GPX7: variants seen among roughly 807,000 people sequenced by gnomAD.
GPX7 encodes the protein protein peroxidase GPX7.
A neutral mutation model predicts 23.7 loss-of-function variants in GPX7; 21 were observed. The observed-to-expected ratio is 0.89, with a 90% CI of 0.63 to 1.28. GPX7 has a LOEUF of 1.28. Ranked by LOEUF, GPX7 falls within the 50% of genes most tolerant of loss-of-function variation. The pLI, the probability that GPX7 is intolerant of heterozygous loss-of-function variation, is 0.00. For synonymous variants in GPX7, 112 were observed against 101.8 expected (o/e 1.10, Z -0.61); for missense variants, 238 against 237.3 (o/e 1.00, Z -0.02).
At chr1:52,607,053 C>A in intron 2 of GPX7, 108 bp downstream of exon 2, 1 of 1,090,212 alleles carries the variant, frequency 9.2e-7, no homozygotes, top group Non-Finnish European at 1.4e-6. Flanking sequence ...GGCCCCTTCC[C>A]CTTCCTGATC....
intron 1 of GPX7, among the ~76,000 whole-genome samples, chr1:52,603,866 T>C (rs1408274962): frequency 2.0e-5 from 3 of 152,228 alleles, no homozygotes; most frequent in South Asian, 2.1e-4. Flanking sequence ...CATTTAGAAC[T>C]CTGGGCAAAG....
At chr1:52,607,228 T>C (rs1176340395) in intron 2 of GPX7, 2 of 485,982 alleles carry the variant, frequency 4.1e-6, no homozygotes, top group African/African-American at 3.8e-5. Flanking sequence ...TGTTTTCACA[T>C]TCAGGGGCTC....
rs1489423992 is a variant in GPX7 at position 52,608,685 on chromosome 1, A to G, written c.*260A>G. ...CGATACGAACGTCTTGCCAACAAAA[A>G]TGTGTGGCAAATAGAAGTATATCAA... is the stretch of plus-strand genomic sequence containing the variant. On this transcript the variant is annotated 3_prime_UTR_variant, in exon 3 of 3. Transcript: ENST00000361314. 1 of 254,722 alleles carries G rather than the reference A, an allele frequency of 3.9e-6. No individual in the cohort carries two copies. Among genetic ancestry groups the G allele is most frequent in the African/African-American group, 2.2e-5 (1 of 44,888 alleles). 15.8% of individuals were successfully genotyped at this position (254,722 alleles called of 1,614,324 possible). A position where few individuals can be genotyped will look rare whatever the true frequency, so the allele number is the denominator to read the frequency against.
At chr1:52,606,659 G>A in intron 1 of GPX7, 25 bp from the exon 2 acceptor site, 1 of 1,604,648 alleles carries the variant, frequency 6.2e-7, no homozygotes, top group Non-Finnish European at 8.5e-7. Context: ...TCTGGGCTTT[G>A]TTTTGTTTTG....
chr1:52,604,645 GT>G (rs1376271291), intron 1 of GPX7, among the ~76,000 whole-genome samples: 2 of 152,106 alleles, frequency 1.3e-5, no homozygotes, highest in African/African-American at 2.4e-5. Context: ...GTCTGTCTGT[GT>G]TTTGGTTTCT....
Position 52,602,397 on chromosome 1 carries a change from T to C in GPX7, c.-13T>C, listed in dbSNP as rs1487875219. ...TCTTTGCCCTCGCGACGCCGCCACC[T>C]CCGGAACAAGCCATGGTGGCGGCGA... On this transcript the variant is annotated 5_prime_UTR_variant, in exon 1 of 3. Coordinates refer to ENST00000361314, the MANE Select transcript of GPX7 (RefSeq NM_015696.5). The C allele has an allele frequency of 5.5e-6, 8 of 1,463,118 alleles. No homozygotes were observed. The highest frequency in any genetic ancestry group is 1.9e-4 in the Middle Eastern group (1 of 5,396). 90.6% of individuals were successfully genotyped at this position (1,463,118 alleles called of 1,614,324 possible). A position where few individuals can be genotyped will look rare whatever the true frequency, so the allele number is the denominator to read the frequency against.
intron 1 of GPX7, 44 bp downstream of exon 1, chr1:52,602,591 C>G (rs765485875): frequency 7.5e-7 from 1 of 1,328,524 alleles, no homozygotes; most frequent in Admixed American, 3.0e-5. Flanking sequence ...CCGGCCTCGC[C>G]CTGGCGGGGC....
intron 1 of GPX7, 59 bp from the exon 2 acceptor site, chr1:52,606,625 G>C: frequency 6.4e-7 from 1 of 1,570,820 alleles, no homozygotes. Flanking sequence ...GGCATGTACA[G>C]GTTCATGCCT....
Position 52,608,278 on chromosome 1 carries a change from G to C in GPX7, c.417G>C (p.Glu139Asp), listed in dbSNP as rs753562410. 3 of 1,612,206 alleles carry C rather than the reference G, an allele frequency of 1.9e-6. No individual in the cohort carries two copies. Among genetic ancestry groups the C allele is most frequent in the Non-Finnish European group, 2.5e-6 (3 of 1,179,272 alleles). Residue 139 changes from glutamate (E) to aspartate (D), a missense_variant, in exon 3 of 3, where the codon GAG (glutamate) becomes GAC (aspartate). Physicochemically the swap from Glu to Asp is conservative, Grantham distance 45. Transcript: ENST00000361314. ...FKYLAQTSGK[E>D]PTWNFWKYLV... ...TTTCTCTAGAGACTTCTGGGAAGGA[G>C]CCCACCTGGAACTTCTGGAAGTACC...
In GPX7 at chr1:52,608,504, A is replaced by G; in HGVS notation, c.*79A>G. On this transcript the variant is annotated 3_prime_UTR_variant, in exon 3 of 3. Coordinates refer to ENST00000361314, the MANE Select transcript of GPX7 (RefSeq NM_015696.5). ...CAATGCAAACTCAAATGGTGCTTCA[A>G]AGGGAGAGACCCACTGACTCTCCTT... 1 of 1,283,864 alleles carries G rather than the reference A, an allele frequency of 7.8e-7. No homozygotes were observed. The highest frequency in any genetic ancestry group is 1.1e-6 in the Non-Finnish European group (1 of 941,004). 79.5% of individuals were successfully genotyped at this position (1,283,864 alleles called of 1,614,324 possible).
At chr1:52,604,815 C>T (rs890768397) in intron 1 of GPX7, among the ~76,000 whole-genome samples, 1 of 152,058 alleles carries the variant, frequency 6.6e-6, no homozygotes, top group Admixed American at 6.6e-5. Context: ...GAGGCTGAGG[C>T]GGGTGGATCA....
chr1:52,607,242 G>T (rs1690864627), intron 2 of GPX7: 1 of 456,452 alleles, frequency 2.2e-6, no homozygotes, highest in East Asian at 3.6e-5. Context: ...GGGGCTCCTA[G>T]AAGGAGACAT....
Position 52,608,655 on chromosome 1 carries a change from C to A in GPX7, c.*230C>A. The A allele has an allele frequency of 3.2e-6, 1 of 316,038 alleles. No homozygotes were observed. The highest frequency in any genetic ancestry group is 5.6e-5 in the East Asian group (1 of 17,996). 19.6% of individuals were successfully genotyped at this position (316,038 alleles called of 1,614,324 possible). Reference sequence around the variant, plus strand: ...ATGAGAGCTCTTGACCAGTGAATCACCAGCCGATACGAACGTCTTGCCAAC... The same window carrying A: ...ATGAGAGCTCTTGACCAGTGAATCAACAGCCGATACGAACGTCTTGCCAAC... On this transcript the variant is annotated 3_prime_UTR_variant, in exon 3 of 3. Transcript: ENST00000361314.
chr1:52,608,411 C>T lies in GPX7; in HGVS notation c.550C>T (p.Arg184Ter), dbSNP rs760322813. ...ALVRKLILLK[R>*]EDL Reference sequence around the variant, plus strand: ...CGTGAGGAAGCTCATCCTACTGAAGCGAGAAGACTTATAACCACCGCGTCT... The same window carrying T: ...CGTGAGGAAGCTCATCCTACTGAAGTGAGAAGACTTATAACCACCGCGTCT... The change falls in exon 3 of 3, where the codon CGA becomes TGA. Residue 184 changes from arginine (R) to a stop codon, truncating the protein, a stop_gained. Transcript: ENST00000361314. LOFTEE classifies it high-confidence loss of function. 6 of 1,611,306 alleles carry T rather than the reference C, an allele frequency of 3.7e-6. No homozygotes were observed. The highest frequency in any genetic ancestry group is 1.7e-5 in the Admixed American group (1 of 59,390).
In GPX7 at chr1:52,608,412, G is replaced by A. The variant is rs765974878; in HGVS notation, c.551G>A (p.Arg184Gln). Residue 184 changes from arginine to glutamine, a missense_variant, in exon 3 of 3, where the codon CGA becomes CAA. Arg to Gln is a conservative substitution (Grantham distance 43, BLOSUM62 1). Transcript: ENST00000361314. ...GTGAGGAAGCTCATCCTACTGAAGC[G>A]AGAAGACTTATAACCACCGCGTCTC... is the stretch of plus-strand genomic sequence containing the variant. Reference protein sequence around the residue: ...ALVRKLILLKREDL With the variant: ...ALVRKLILLKQEDL 6.2e-6 allele frequency: 10 copies of A among 1,611,428 alleles called. No individual in the cohort carries two copies. Among genetic ancestry groups the A allele is most frequent in the African/African-American group, 4.0e-5 (3 of 74,744 alleles).
Position 52,606,848 on chromosome 1 carries a change from G to C in GPX7, c.303G>C (p.Glu101Asp). The C allele has an allele frequency of 6.2e-7, 1 of 1,614,206 alleles. No homozygotes were observed. The highest frequency in any genetic ancestry group is 8.5e-7 in the Non-Finnish European group (1 of 1,180,038). Reference sequence around the variant, plus strand: ...AGCCTGACAGCAACAAGGAGATTGAGAGCTTTGCCCGCCGCACCTACAGTG... The same window carrying C: ...AGCCTGACAGCAACAAGGAGATTGACAGCTTTGCCCGCCGCACCTACAGTG... The part of the protein sequence containing the change: ...QQEPDSNKEI[E>D]SFARRTYSVS... The change falls in exon 2 of 3, where the codon GAG becomes GAC. Residue 101 changes from glutamate (E) to aspartate (D), a missense_variant. Transcript: ENST00000361314.
At chr1:52,605,377 A>G (rs1690844517) in intron 1 of GPX7, among the ~76,000 whole-genome samples, 1 of 152,160 alleles carries the variant, frequency 6.6e-6, no homozygotes, top group Admixed American at 6.5e-5. Flanking sequence ...TTGATTGTCA[A>G]GACTGGGCAT....
At chr1:52,606,251 T>G (rs996009922) in intron 1 of GPX7, among the ~76,000 whole-genome samples, 1 of 152,166 alleles carries the variant, frequency 6.6e-6, no homozygotes, top group East Asian at 1.9e-4. Context: ...GAGCCAAAAA[T>G]TGAGCCCAGG....
Position 52,606,869 on chromosome 1 carries a change from C to G in GPX7, c.324C>G (p.Tyr108Ter). The G allele has an allele frequency of 6.2e-7, 1 of 1,614,226 alleles. No individual in the cohort carries two copies. Among genetic ancestry groups the G allele is most frequent in the Non-Finnish European group, 8.5e-7 (1 of 1,180,036 alleles). Residue 108 changes from tyrosine (Y) to a stop codon, truncating the protein, a stop_gained, in exon 2 of 3, where the codon TAC becomes TAG. Transcript: ENST00000361314. LOFTEE classifies it high-confidence loss of function. ...TTGAGAGCTTTGCCCGCCGCACCTACAGTGTCTCATTCCCCATGTTTAGCA... is the reference window on the plus strand; with the variant it reads ...TTGAGAGCTTTGCCCGCCGCACCTAGAGTGTCTCATTCCCCATGTTTAGCA... ...KEIESFARRTYSVSFPMFSKI... is the reference protein window; with the variant it reads ...KEIESFARRT
Sources: gnomAD v4.1 joint callset for allele counts (sites outside exome capture counted in the v4.1 genomes callset) on GRCh38, gnomAD v4.1.1 for gene constraint, MANE v1.5 for transcripts, NCBI Gene and HGNC (gene_info 2026-07-23, HGNC 2026-07-21) for gene names.